ZMAT5: variants seen among roughly 807,000 people sequenced by gnomAD.
The protein encoded by ZMAT5 is zinc finger matrin-type protein 5.
ZMAT5 carries 23 observed loss-of-function variants against 28.0 expected under a neutral mutation model. The observed-to-expected ratio is 0.82, with a 90% confidence interval of 0.59 to 1.16. ZMAT5 has a LOEUF of 1.16. ZMAT5 is among the 50% of genes most tolerant of loss of function. ZMAT5 has a pLI of 0.00. For synonymous variants in ZMAT5, 76 were observed against 84.1 expected, an observed-to-expected ratio of 0.90 and a Z score of 0.52; for missense variants, 173 against 212.7, an observed-to-expected ratio of 0.81 and a Z score of 1.16.
chr22:29,753,101 G>A (rs2068069065), intron 1 of ZMAT5, among the ~76,000 whole-genome samples: 1 of 152,160 alleles, frequency 6.6e-6, no homozygotes, highest in Non-Finnish European at 1.5e-5. Flanking sequence ...GAGGCTGTCC[G>A]GGGACAGAGT....
At chr22:29,741,550 C>T (rs2147221411) in intron 3 of ZMAT5, among the ~76,000 whole-genome samples, 1 of 152,364 alleles carries the variant, frequency 6.6e-6, no homozygotes, top group Non-Finnish European at 1.5e-5. Context: ...ACCTCAAGGG[C>T]AAGCATGGAG....
intron 1 of ZMAT5, among the ~76,000 whole-genome samples, chr22:29,766,533 A>T (rs2068213948): frequency 6.6e-6 from 1 of 152,194 alleles, no homozygotes; most frequent in South Asian, 2.1e-4. Context: ...CTGGGAAAAC[A>T]TCTGTTGAAT....
chr22:29,753,723 C>T (rs2068075101), intron 1 of ZMAT5, among the ~76,000 whole-genome samples: 1 of 152,018 alleles, frequency 6.6e-6, no homozygotes, highest in Non-Finnish European at 1.5e-5. Context: ...AAAAAAGAAC[C>T]AGCTGTGCAG....
rs778698883 is a variant in ZMAT5, at chr22:29,738,311, G to A, written c.383+19C>T. On this transcript the variant is annotated intron_variant, in intron 5 of 5. Coordinates refer to ENST00000344318, the MANE Select transcript of ZMAT5 (RefSeq NM_001003692.2). ...TGCCCCCAGGGGGCACAGCGGGAGG[G>A]AACCCTGGGGACCTGTACCTGCTAC... 4 of 1,604,598 alleles carry A rather than the reference G, an allele frequency of 2.5e-6. No individual in the cohort carries two copies. Among genetic ancestry groups the A allele is most frequent in the Non-Finnish European group, 3.4e-6 (4 of 1,177,626 alleles).
chr22:29,766,289 G>C (rs1211729048), intron 1 of ZMAT5, among the ~76,000 whole-genome samples: 1 of 152,176 alleles, frequency 6.6e-6, no homozygotes, highest in Non-Finnish European at 1.5e-5. Flanking sequence ...CAAGGCCTTT[G>C]CACCAACGTT....
chr22:29,738,529 G>A, intron 4 of ZMAT5, 88 bp from the exon 5 acceptor site: 1 of 1,216,878 alleles, frequency 8.2e-7, no homozygotes, highest in South Asian at 1.3e-5. Context: ...GCAACTGGTA[G>A]GCCCTGAGCA....
intron 1 of ZMAT5, among the ~76,000 whole-genome samples, chr22:29,763,005 G>A (rs533573151): frequency 3.3e-5 from 5 of 152,210 alleles, no homozygotes; most frequent in African/African-American, 1.2e-4. Flanking sequence ...GGGCAATGTG[G>A]CAAGACCCTC....
At chr22:29,735,885 T>G (rs984499365) in intron 5 of ZMAT5, among the ~76,000 whole-genome samples, 10 of 152,198 alleles carry the variant, frequency 6.6e-5, no homozygotes, top group African/African-American at 2.4e-4. Flanking sequence ...TGCATCTGTC[T>G]GGAACCCAGG....
At chr22:29,765,289 T>A (rs6006241) in intron 1 of ZMAT5, among the ~76,000 whole-genome samples, 16,594 of 151,518 alleles carry the variant, frequency 0.11, 1,413 homozygotes, top group African/African-American at 0.24. Context: ...CGTGTTGGCA[T>A]CCGCTTGTAA....
At chr22:29,764,550 G>T (rs1188176662) in intron 1 of ZMAT5, among the ~76,000 whole-genome samples, 2 of 152,160 alleles carry the variant, frequency 1.3e-5, no homozygotes, top group African/African-American at 4.8e-5. Flanking sequence ...ACCCAGGCTG[G>T]AGTGCAGTGA....
intron 2 of ZMAT5, among the ~76,000 whole-genome samples, chr22:29,743,863 C>T (rs2067986196): frequency 6.6e-6 from 1 of 152,178 alleles, no homozygotes. Flanking sequence ...TTATATCCAC[C>T]CCAGGGGAGG....
chr22:29,762,104 G>T (rs2068162763), intron 1 of ZMAT5, among the ~76,000 whole-genome samples: 1 of 152,104 alleles, frequency 6.6e-6, no homozygotes, highest in Non-Finnish European at 1.5e-5. Context: ...TGCTTGTTAT[G>T]TTATTCATAT....
chr22:29,753,393 C>T (rs539256066), intron 1 of ZMAT5, among the ~76,000 whole-genome samples: 11 of 152,260 alleles, frequency 7.2e-5, no homozygotes, highest in East Asian at 5.8e-4. Flanking sequence ...GGCATAGTGG[C>T]GTGTGCCTGT....
intron 1 of ZMAT5, among the ~76,000 whole-genome samples, chr22:29,750,078 A>T (rs2068043307): frequency 6.6e-6 from 1 of 152,158 alleles, no homozygotes; most frequent in African/African-American, 2.4e-5. Flanking sequence ...GAGAATATAA[A>T]CCCATGAGGG....
At position 29,756,130 on chromosome 22, in the gene ZMAT5, C is replaced by A. The variant is rs188768463; in HGVS notation, c.-27-7559G>T. ...TATAATTATCCTGGACTTGTGCTCA[C>A]CACAGGCGACCCTGAAGCTCACCTG... On this transcript the variant is annotated intron_variant, in intron 1 of 5. Transcript: ENST00000344318. Among the ~76,000 whole-genome samples the A allele has an allele frequency of 1.8e-3, 281 of 152,384 alleles. 1 individual carries two copies. The highest frequency in any genetic ancestry group is 3.4e-3 in the Admixed American group (52 of 15,310).
intron 1 of ZMAT5, among the ~76,000 whole-genome samples, chr22:29,749,762 T>G (rs979563689): frequency 1.1e-4 from 16 of 152,226 alleles, no homozygotes; most frequent in Admixed American, 9.8e-4. Flanking sequence ...GTTTCCCCCA[T>G]GCTGTTCTCA....
rs114402164 is a variant in ZMAT5 at position 29,733,808 on chromosome 22, C to T, written c.384-2454G>A. 7.7e-3 allele frequency among the ~76,000 whole-genome samples: 1,173 copies of T among 152,308 alleles called. 17 individuals carry two copies. The highest frequency in any genetic ancestry group is 0.027 in the African/African-American group (1,105 of 41,570). On this transcript the variant is annotated intron_variant, in intron 5 of 5. Transcript: ENST00000344318. ...ACCTCCTGGGTCCAAGTCTCAGCCC[C>T]GTGCCCCTGCCTGCCCTGAGGTCCC...
At chr22:29,754,084 C>T (rs558398218) in intron 1 of ZMAT5, among the ~76,000 whole-genome samples, 2 of 152,222 alleles carry the variant, frequency 1.3e-5, no homozygotes, top group Admixed American at 1.3e-4. Flanking sequence ...CCGTACTTGG[C>T]AGCCGAGGAG....
rs1271458810 is a variant in ZMAT5 at position 29,754,668 on chromosome 22, C to T, written c.-27-6097G>A. Among the ~76,000 whole-genome samples, 4 of 151,578 alleles carry T rather than the reference C, an allele frequency of 2.6e-5. 1 individual carries two copies. The highest frequency in any genetic ancestry group is 1.3e-4 in the Admixed American group (2 of 15,220). ...GGAGGATCACTGGAGCCCAGGAGCT[C>T]GAGACCAGCCTGGACAACATGGGCA... is the stretch of plus-strand genomic sequence containing the variant. On this transcript the variant is annotated intron_variant, in intron 1 of 5. Transcript: ENST00000344318.
Sources: gnomAD v4.1 joint callset for allele counts (sites outside exome capture counted in the v4.1 genomes callset) on GRCh38, gnomAD v4.1.1 for gene constraint, MANE v1.5 for transcripts, NCBI Gene and HGNC (gene_info 2026-07-23, HGNC 2026-07-21) for gene names.